Variants in ICA1 observed in about 807,000 individuals in gnomAD.
The protein encoded by ICA1 is 69 kDa islet cell autoantigen.
Under a neutral mutation model 71.0 loss-of-function variants are expected in ICA1, and 40 were observed. The ratio of observed to expected loss-of-function variants is 0.56; its 90% CI spans 0.44 to 0.73. The LOEUF is 0.73. Ranked by LOEUF, ICA1 falls within the 30% of genes least tolerant of loss-of-function variation. ICA1 has a pLI of 0.00. For missense variants in ICA1, 578 were observed against 576.5 expected (o/e 1.00, Z -0.03); for synonymous variants, 207 against 209.5 (o/e 0.99, Z 0.10).
chr7:8,207,624 C>A (rs955929409), intron 6 of ICA1, among the ~76,000 whole-genome samples: 68 of 152,272 alleles, frequency 4.5e-4, no homozygotes, highest in African/African-American at 1.5e-3. Flanking sequence ...AGCGAAGACA[C>A]TTTTTGAGGT....
intron 8 of ICA1, among the ~76,000 whole-genome samples, chr7:8,154,088 TG>T (rs1354166368): frequency 2.6e-5 from 4 of 151,948 alleles, no homozygotes; most frequent in African/African-American, 9.7e-5. Context: ...TGAAGGAATG[TG>T]TCAGTAAAAG....
chr7:8,158,645 G>C lies in ICA1; in HGVS notation c.587C>G (p.Thr196Arg). 2 of 1,613,858 alleles carry C rather than the reference G, an allele frequency of 1.2e-6. No homozygotes were observed. The highest frequency in any genetic ancestry group is 1.7e-6 in the Non-Finnish European group (2 of 1,179,922). The change falls in exon 7 of 14, where the codon ACA becomes AGA. Residue 196 changes from threonine (T) to arginine (R), a missense_variant. Physicochemically the swap from Thr to Arg is moderately conservative, Grantham distance 71. Transcript: ENST00000402384. ...GTTTTTTTTTGCAAGGCGCACTTGT[G>C]TTTGTACCTATGAAAATAAAGAGGA... ...KQMEKFRKVQ[T>R]QVRLAKKNFD...
At chr7:8,121,560 G>A (rs552413480) in intron 13 of ICA1, among the ~76,000 whole-genome samples, 5 of 152,322 alleles carry the variant, frequency 3.3e-5, no homozygotes, top group African/African-American at 1.2e-4. Context: ...AAACAATTCA[G>A]TTCATGGAAA....
intron 1 of ICA1, among the ~76,000 whole-genome samples, chr7:8,243,223 C>T (rs1804647345): frequency 6.6e-6 from 1 of 152,208 alleles, no homozygotes; most frequent in Non-Finnish European, 1.5e-5. Flanking sequence ...CCACCACAAT[C>T]AAGTCGGCTT....
intron 13 of ICA1, among the ~76,000 whole-genome samples, chr7:8,118,565 G>A (rs1785538561): frequency 6.6e-6 from 1 of 152,058 alleles, no homozygotes; most frequent in Non-Finnish European, 1.5e-5. Context: ...TAACCTCCCT[G>A]GTTCCTAGAA....
intron 6 of ICA1, among the ~76,000 whole-genome samples, chr7:8,189,783 AG>A (rs1288397454): frequency 1.1e-5 from 1 of 90,404 alleles, no homozygotes. Context: ...GGGGCTGGGC[AG>A]GGGGGCTGGG....
Position 8,139,057 on chromosome 7 carries a change from A to G in ICA1, c.956-10T>C. The G allele has an allele frequency of 6.2e-7, 1 of 1,607,696 alleles. No homozygotes were observed. The highest frequency in any genetic ancestry group is 1.1e-5 in the South Asian group (1 of 90,928). On this transcript the variant is annotated splice_polypyrimidine_tract_variant and intron_variant, in intron 10 of 13. Transcript: ENST00000402384. ...CTTTTTCCATCTTCAGCTGTAATAT[A>G]ACATGTGCAACTGGTTACCAACAAC... is the stretch of plus-strand genomic sequence containing the variant.
intron 12 of ICA1, among the ~76,000 whole-genome samples, chr7:8,129,390 TTC>T (rs1220899799): frequency 6.6e-6 from 1 of 150,792 alleles, no homozygotes; most frequent in Non-Finnish European, 1.5e-5. Flanking sequence ...AAAAAAAAAG[TTC>T]TCTGTGTTGG....
At chr7:8,149,351 T>C (rs999008104) in intron 8 of ICA1, among the ~76,000 whole-genome samples, 1 of 152,214 alleles carries the variant, frequency 6.6e-6, no homozygotes, top group South Asian at 2.1e-4. Flanking sequence ...AAGAATGTTT[T>C]TAGACTAAGA....
chr7:8,130,424 T>A lies in ICA1; in HGVS notation c.1061-2282A>T, dbSNP rs1441299079. Among the ~76,000 whole-genome samples the A allele has an allele frequency of 6.6e-6, 1 of 152,166 alleles. No homozygotes were observed. The highest frequency in any genetic ancestry group is 1.5e-5 in the Non-Finnish European group (1 of 68,030). On this transcript the variant is annotated intron_variant, in intron 12 of 13. Transcript: ENST00000402384. The surrounding 1 kb of genome is among the most constrained non-coding windows in gnomAD (Gnocchi z 4.2). ...CATCAACACCTGTATCTACGCATGC[T>A]CCCCTCTCCAGCATCACCTTTTTAA...
At chr7:8,244,862 C>A (rs1805377717) in intron 1 of ICA1, among the ~76,000 whole-genome samples, 1 of 152,126 alleles carries the variant, frequency 6.6e-6, no homozygotes, top group African/African-American at 2.4e-5. Flanking sequence ...CAGTGAGATA[C>A]CATCTCACAC....
intron 6 of ICA1, among the ~76,000 whole-genome samples, chr7:8,170,963 G>C (rs935965650): frequency 3.9e-5 from 6 of 151,924 alleles, no homozygotes; most frequent in African/African-American, 1.4e-4. Context: ...TATATTCCCA[G>C]AGCTGTGTAA....
chr7:8,152,062 C>T (rs1013422318), intron 8 of ICA1, among the ~76,000 whole-genome samples: 4 of 152,138 alleles, frequency 2.6e-5, no homozygotes, highest in Admixed American at 6.5e-5. Context: ...TCCTGCCTGC[C>T]GGCCTTCCCA....
chr7:8,150,748 G>T (rs1347324596), intron 8 of ICA1, among the ~76,000 whole-genome samples: 1 of 152,090 alleles, frequency 6.6e-6, no homozygotes, highest in African/African-American at 2.4e-5. Context: ...ATGCTTTTTT[G>T]CCTATAAGCA....
At chr7:8,242,662 C>T (rs1364796240) in intron 1 of ICA1, among the ~76,000 whole-genome samples, 1 of 152,028 alleles carries the variant, frequency 6.6e-6, no homozygotes, top group Non-Finnish European at 1.5e-5. Flanking sequence ...ATTGATAGAT[C>T]ACTAGCAAGA....
At chr7:8,153,518 T>C (rs941948657) in intron 8 of ICA1, among the ~76,000 whole-genome samples, 3 of 152,146 alleles carry the variant, frequency 2.0e-5, no homozygotes, top group African/African-American at 4.8e-5. Context: ...CCCTTGATAA[T>C]GTCTGCTCGG....
intron 6 of ICA1, among the ~76,000 whole-genome samples, chr7:8,159,886 G>A (rs1433643719): frequency 1.3e-5 from 2 of 152,134 alleles, no homozygotes; most frequent in African/African-American, 4.8e-5. Context: ...CATATTCAGT[G>A]TATTCAGTGT....
intron 8 of ICA1, among the ~76,000 whole-genome samples, chr7:8,150,666 A>G (rs1798489444): frequency 6.6e-6 from 1 of 152,256 alleles, no homozygotes. Flanking sequence ...TGGGAGATCG[A>G]GAGGACTTCA....
At chr7:8,202,647 T>C (rs1456720137) in intron 6 of ICA1, among the ~76,000 whole-genome samples, 2 of 152,220 alleles carry the variant, frequency 1.3e-5, no homozygotes, top group African/African-American at 4.8e-5. Context: ...TGAGAATTAC[T>C]GTTTTTATAT....
Sources: allele counts gnomAD v4.1 joint callset (sites outside exome capture counted in the v4.1 genomes callset), GRCh38; gene constraint gnomAD v4.1.1; non-coding constraint Gnocchi (gnomAD v3.1); transcripts MANE v1.5; gene names NCBI Gene and HGNC (gene_info 2026-07-23, HGNC 2026-07-21).